The following LYRM4 variants were observed in gnomAD, a reference collection of about 807,000 sequenced individuals.
The protein encoded by LYRM4 is LYR motif-containing protein 4.
In LYRM4, 9 loss-of-function variants were observed where a neutral mutation model predicts 11.7. The ratio of observed to expected loss-of-function variants is 0.77; its 90% confidence interval spans 0.46 to 1.34. The LOEUF (loss-of-function observed/expected upper bound fraction) is 1.34, where lower values mean the gene tolerates loss of function less well. LYRM4 is among the 40% of genes most tolerant of loss of function. The probability of loss-of-function intolerance (pLI) is 0.00; values close to 1 mark genes in which losing one functional copy is unlikely to be tolerated. For missense variants in LYRM4, 133 were observed against 112.5 expected, an observed-to-expected ratio of 1.18 and a Z score of -0.82; for synonymous variants, 42 against 40.4, an observed-to-expected ratio of 1.04 and a Z score of -0.15.
chr6:5,252,364 T>A (rs149418425), intron 1 of LYRM4, among the ~76,000 whole-genome samples: 2 of 152,334 alleles, frequency 1.3e-5, no homozygotes, highest in East Asian at 3.9e-4. Context: ...TATGCCTCAC[T>A]CTGCCTTGAA....
At chr6:5,197,455 C>T (rs537314573) in intron 2 of LYRM4, among the ~76,000 whole-genome samples, 3 of 152,052 alleles carry the variant, frequency 2.0e-5, no homozygotes, top group African/African-American at 7.2e-5. Context: ...CTGTGGATCA[C>T]GAGGTCAGGA....
chr6:5,181,054 T>G (rs947493613), intron 2 of LYRM4, among the ~76,000 whole-genome samples: 3 of 152,226 alleles, frequency 2.0e-5, no homozygotes, highest in Admixed American at 2.0e-4. Flanking sequence ...TTTAATTTTT[T>G]GAAAGGATCA....
intron 2 of LYRM4, among the ~76,000 whole-genome samples, chr6:5,145,414 G>GT (rs1373340165): frequency 1.3e-5 from 2 of 152,194 alleles, no homozygotes; most frequent in African/African-American, 2.4e-5. Flanking sequence ...CATTTTGCAG[G>GT]AGAGGAAACT....
the LYRM4 span, among the ~76,000 whole-genome samples, chr6:5,098,068 C>T: frequency 1.3e-5 from 2 of 152,212 alleles, no homozygotes; most frequent in African/African-American, 4.8e-5. Context: ...GCAGAGTCCT[C>T]CTGCCTTGGC....
the LYRM4 span, among the ~76,000 whole-genome samples, chr6:5,068,035 C>T: frequency 2.6e-5 from 4 of 152,188 alleles, no homozygotes; most frequent in African/African-American, 9.7e-5. The surrounding 1 kb of genome is among the most constrained non-coding windows in gnomAD (Gnocchi z 4.0). Flanking sequence ...ATGGAAAGCA[C>T]ATGCTTATGG....
downstream of LYRM4, among the ~76,000 whole-genome samples, chr6:5,099,323 C>T (rs386688): frequency 0.63 from 96,053 of 151,334 alleles, 31,303 homozygotes; most frequent in East Asian, 0.8. This position sits in a 1 kb window ranked among gnomAD's most constrained non-coding sequence, Gnocchi z 4.3. Context: ...CTAGCTCAGC[C>T]TCCCGAGTAG....
downstream of LYRM4, chr6:5,103,820 G>A (rs1762578306): frequency 6.6e-6 from 1 of 151,188 alleles, no homozygotes; most frequent in Admixed American, 6.6e-5. Flanking sequence ...GTATCTTTAG[G>A]AGAGATGGGG....
At chr6:5,098,420 C>T in the LYRM4 span, among the ~76,000 whole-genome samples, 96,295 of 151,676 alleles carry the variant, frequency 0.63, 31,384 homozygotes, top group East Asian at 0.8. Context: ...CAGAGATCCC[C>T]GCTTCACATC....
intron 2 of LYRM4, among the ~76,000 whole-genome samples, chr6:5,187,750 CAATAAAAATAAATA>C (rs1002213016): frequency 2.0e-5 from 3 of 150,226 alleles, no homozygotes; most frequent in African/African-American, 7.4e-5. Flanking sequence ...ACTTAAAGTA[CAATAAAAATAAATA>C]AATAAAAATA....
intron 2 of LYRM4, among the ~76,000 whole-genome samples, chr6:5,128,813 C>T (rs1301934963): frequency 6.6e-6 from 1 of 152,150 alleles, no homozygotes; most frequent in Non-Finnish European, 1.5e-5. Context: ...TTGTGTGAGG[C>T]CCCATGTCAC....
the LYRM4 span, among the ~76,000 whole-genome samples, chr6:5,075,174 T>C: frequency 6.6e-6 from 1 of 152,204 alleles, no homozygotes; most frequent in African/African-American, 2.4e-5. Context: ...TGCAGAACCG[T>C]GATCCAGTTC....
chr6:5,170,272 C>T (rs1055249305), intron 2 of LYRM4, among the ~76,000 whole-genome samples: 3 of 152,078 alleles, frequency 2.0e-5, no homozygotes, highest in Admixed American at 2.0e-4. Flanking sequence ...GACCTATATA[C>T]GAAAACCAAT....
chr6:5,074,296 T>A, the LYRM4 span, among the ~76,000 whole-genome samples: 2 of 152,092 alleles, frequency 1.3e-5, no homozygotes, highest in Non-Finnish European at 1.5e-5. Context: ...CCATTATTAC[T>A]GACTAGGTCA....
chr6:5,138,613 A>T, intron 2 of LYRM4: 2 of 754,704 alleles, frequency 2.7e-6, no homozygotes, highest in Non-Finnish European at 3.9e-6. Flanking sequence ...AGTCACAAGA[A>T]AACCTTATAT....
intron 1 of LYRM4, among the ~76,000 whole-genome samples, chr6:5,233,729 G>A (rs1561890014): frequency 6.6e-6 from 1 of 152,210 alleles, no homozygotes; most frequent in Non-Finnish European, 1.5e-5. Flanking sequence ...TCCCGCCTCA[G>A]CCTCCCCAGT....
intron 2 of LYRM4, among the ~76,000 whole-genome samples, chr6:5,195,294 G>A (rs900841254): frequency 6.6e-6 from 1 of 152,008 alleles, no homozygotes; most frequent in African/African-American, 2.4e-5. Flanking sequence ...CCTTGCAGAG[G>A]GATGTTAAGG....
the LYRM4 span, chr6:5,086,189 G>A: frequency 6.5e-7 from 1 of 1,533,990 alleles, no homozygotes; most frequent in South Asian, 1.2e-5. Context: ...GAGGTGAAGG[G>A]CTCCGGCCGG....
chr6:5,037,797 G>C, the LYRM4 span, among the ~76,000 whole-genome samples: 2 of 61,786 alleles, frequency 3.2e-5, no homozygotes, highest in Non-Finnish European at 8.0e-5. Flanking sequence ...CGGACGGGGC[G>C]GCTGGCCGGG....
chr6:5,066,896 T>C, the LYRM4 span: 44 of 1,147,406 alleles, frequency 3.8e-5, no homozygotes, highest in African/African-American at 6.2e-5. Context: ...GCATCGCCGC[T>C]CCAGACCCTA....
Sources: allele counts gnomAD v4.1 joint callset (sites outside exome capture counted in the v4.1 genomes callset), GRCh38; gene constraint gnomAD v4.1.1; non-coding constraint Gnocchi (gnomAD v3.1); transcripts MANE v1.5; gene names NCBI Gene and HGNC (gene_info 2026-07-23, HGNC 2026-07-21).